METTL17: variants seen among roughly 807,000 people sequenced by gnomAD.
The protein encoded by METTL17 is ribosome assembly protein METTL17, mitochondrial.
Under a neutral mutation model 59.4 loss-of-function variants are expected in METTL17, and 49 were observed. That is an observed-to-expected ratio of 0.82 (90% CI 0.66 to 1.05). The LOEUF (loss-of-function observed/expected upper bound fraction) is 1.05, where lower values mean the gene tolerates loss of function less well. Ranked by LOEUF, METTL17 falls within the 50% of genes least tolerant of loss-of-function variation. The pLI is 0.00. For synonymous variants in METTL17, 208 were observed against 209.2 expected (o/e 0.99, Z 0.05); for missense variants, 555 against 578.4 (o/e 0.96, Z 0.41).
Position 20,990,130 on chromosome 14 carries a change from C to A in METTL17, c.75+53C>A, listed in dbSNP as rs370021868. ...AGAGACTCTGGATCTGCAGAGACAT[C>A]TCCGCGCAGAGGAGGAGCGCTCCTG... On this transcript the variant is annotated intron_variant, in intron 1 of 13. Coordinates refer to ENST00000339374, the MANE Select transcript of METTL17 (RefSeq NM_022734.3). The A allele has an allele frequency of 1.7e-5, 28 of 1,611,656 alleles. No individual in the cohort carries two copies. In the African/African-American group the frequency reaches 3.5e-4, roughly 20 times the overall value.
Position 20,994,032 on chromosome 14 carries a change from C to T in METTL17, c.666C>T (p.Ala222=). Residue 222 remains alanine (A), a synonymous_variant, in exon 7 of 14, where the codon GCC becomes GCT. Coordinates refer to ENST00000339374, the MANE Select transcript of METTL17 (RefSeq NM_022734.3). ...ATATGTGTGTGGACAGATCAGCTGC[C>T]ATGTTGGTTTTGGCAGAAAAACTAC... ...REYMCVDRSA[A]MLVLAEKLLK... is the part of the protein sequence containing the mutation. 1 of 1,613,778 alleles carries T rather than the reference C, an allele frequency of 6.2e-7. No homozygotes were observed. The highest frequency in any genetic ancestry group is 8.5e-7 in the Non-Finnish European group (1 of 1,179,904).
intron 10 of METTL17, chr14:20,995,687 C>T (rs902562505): frequency 3.5e-5 from 20 of 565,696 alleles, no homozygotes; most frequent in East Asian, 5.8e-5. Context: ...GGGAGAGCAC[C>T]GTACTATGTG....
chr14:20,992,490 TG>T (rs1880085114), intron 4 of METTL17, 50 bp from the exon 5 acceptor site: 1 of 1,394,162 alleles, frequency 7.2e-7, no homozygotes, highest in Non-Finnish European at 1.0e-6. Flanking sequence ...AAGGTAATTA[TG>T]GGATTAAGGT....
At position 20,996,606 on chromosome 14, in the gene METTL17, G is replaced by A. The variant is rs775852895; in HGVS notation, c.1160G>A (p.Arg387His). ...GSPEEAHRWP[R>H]ITQPVLKRPR... ...CCAGAGGAGGCTCATCGCTGGCCCC[G>A]TATCACTCAGCCTGTCCTTAAACGG... Residue 387 changes from arginine to histidine, a missense_variant, in exon 13 of 14, where the codon CGT becomes CAT. Arg to His is a conservative substitution (Grantham distance 29, BLOSUM62 0). Transcript: ENST00000339374. 2.0e-5 allele frequency: 32 copies of A among 1,614,092 alleles called. No individual in the cohort carries two copies. Among genetic ancestry groups the A allele is most frequent in the African/African-American group, 2.7e-5 (2 of 74,938 alleles).
chr14:20,990,191 T>A, intron 1 of METTL17, 39 bp from the exon 2 acceptor site: 1 of 1,613,470 alleles, frequency 6.2e-7, no homozygotes. Flanking sequence ...GCAACTTTCC[T>A]TTCTGCCAGG....
At chr14:20,994,971 C>A in intron 9 of METTL17, 70 bp downstream of exon 9, 2 of 1,319,226 alleles carry the variant, frequency 1.5e-6, no homozygotes, top group Non-Finnish European at 2.1e-6. Flanking sequence ...TTGCTCCTCT[C>A]ATTGTCTTTA....
intron 10 of METTL17, 110 bp downstream of exon 10, chr14:20,995,343 T>C: frequency 1.0e-6 from 1 of 971,002 alleles, no homozygotes; most frequent in South Asian, 1.4e-5. Context: ...CTCAGGAAAC[T>C]GGGCGTATGA....
intron 3 of METTL17, 39 bp downstream of exon 3, chr14:20,990,637 A>C: frequency 1.2e-6 from 2 of 1,610,828 alleles, no homozygotes; most frequent in Non-Finnish European, 1.7e-6. Context: ...GCGAGATTGA[A>C]ATATCGGTTA....
At chr14:20,994,937 A>G (rs746590962) in intron 9 of METTL17, 36 bp downstream of exon 9, 1 of 1,520,290 alleles carries the variant, frequency 6.6e-7, no homozygotes, top group East Asian at 2.3e-5. Context: ...TAAGTCTTGA[A>G]GCAGCTTCAT....
Position 20,992,591 on chromosome 14 carries a change from G to A in METTL17, c.497G>A (p.Gly166Asp), listed in dbSNP as rs1880093909. Residue 166 changes from glycine (G) to aspartate (D), a missense_variant, in exon 5 of 14, where the codon GGC (glycine) becomes GAC (aspartate). Coordinates refer to ENST00000339374, the MANE Select transcript of METTL17 (RefSeq NM_022734.3). The part of the protein sequence containing the change: ...LVYMAARLDG[G>D]FAAVSRAFHE... ...TATATGGCAGCAAGACTGGATGGTG[G>A]CTTTGCAGCAGTCTCCAGAGCATTC... 1 of 1,614,050 alleles carries A rather than the reference G, an allele frequency of 6.2e-7. No homozygotes were observed. The highest frequency in any genetic ancestry group is 8.5e-7 in the Non-Finnish European group (1 of 1,180,012).
intron 3 of METTL17, 183 bp from the exon 4 acceptor site, chr14:20,991,941 G>A (rs1459040525): frequency 3.4e-6 from 2 of 585,448 alleles, no homozygotes. Flanking sequence ...GATACAATCT[G>A]TTAGTGGTAG....
chr14:20,990,692 A>T, intron 3 of METTL17, 94 bp downstream of exon 3: 1 of 1,473,234 alleles, frequency 6.8e-7, no homozygotes, highest in Non-Finnish European at 9.2e-7. Context: ...CAGATACTGA[A>T]GTCTCTTATT....
chr14:20,994,693 C>A, intron 8 of METTL17, 80 bp downstream of exon 8: 2 of 1,532,150 alleles, frequency 1.3e-6, no homozygotes, highest in Non-Finnish European at 1.8e-6. Flanking sequence ...CAGCCCAGCA[C>A]TGAGTGTTAG....
intron 3 of METTL17, chr14:20,990,880 G>A (rs1341452906): frequency 2.5e-6 from 1 of 399,992 alleles, no homozygotes; most frequent in East Asian, 5.4e-5. Flanking sequence ...CACCCAGGCT[G>A]AAGTGTAATG....
chr14:20,992,900 A>C (rs965300258), intron 5 of METTL17: 2 of 605,800 alleles, frequency 3.3e-6, no homozygotes, highest in South Asian at 4.1e-5. Context: ...AAAAAACACA[A>C]AATAAAGACG....
At chr14:20,992,745 C>A in intron 5 of METTL17, 123 bp downstream of exon 5, 1 of 725,378 alleles carries the variant, frequency 1.4e-6, no homozygotes, top group Non-Finnish European at 2.4e-6. Flanking sequence ...AGAGGATCTC[C>A]GCTGGACATA....
intron 3 of METTL17, chr14:20,990,827 TTTTG>T (rs1461041161): frequency 6.6e-5 from 37 of 556,936 alleles, no homozygotes; most frequent in Non-Finnish European, 9.2e-5. Flanking sequence ...TGTTTGTTTG[TTTTG>T]TTGTTTTGTT....
intron 4 of METTL17, 133 bp downstream of exon 4, chr14:20,992,338 T>A: frequency 5.4e-6 from 4 of 744,304 alleles, no homozygotes; most frequent in Non-Finnish European, 8.9e-6. Flanking sequence ...AATTTAGTAT[T>A]TGAAAAAGCT....
At chr14:20,995,086 G>A in intron 9 of METTL17, 79 bp from the exon 10 acceptor site, 1 of 1,366,834 alleles carries the variant, frequency 7.3e-7, no homozygotes, top group Non-Finnish European at 1.0e-6. Flanking sequence ...CTCCCTCTAT[G>A]ATTGCTCTTA....
Sources: allele counts gnomAD v4.1 joint callset, GRCh38; gene constraint gnomAD v4.1.1; transcripts MANE v1.5; gene names NCBI Gene and HGNC (gene_info 2026-07-23, HGNC 2026-07-21).